Variants in PPP4R2 observed in about 807,000 individuals in gnomAD.
PPP4R2 encodes the protein serine/threonine-protein phosphatase 4 regulatory subunit 2.
Under a neutral mutation model 47.2 loss-of-function variants are expected in PPP4R2, and 13 were observed. The ratio of observed to expected loss-of-function variants is 0.28; its 90% CI spans 0.18 to 0.44. PPP4R2 has a LOEUF of 0.44. Among genes scored for constraint, PPP4R2 ranks in the 20% least tolerant of loss-of-function variants. PPP4R2 has a pLI of 1.00. For missense variants in PPP4R2, 421 were observed against 491.2 expected (o/e 0.86, Z 1.35); for synonymous variants, 151 against 163.3 (o/e 0.92, Z 0.57).
At chr3:73,049,315 G>A (rs1385154622) in intron 3 of PPP4R2, among the ~76,000 whole-genome samples, 1 of 151,978 alleles carries the variant, frequency 6.6e-6, no homozygotes, top group Non-Finnish European at 1.5e-5. Context: ...TGGCTAACAC[G>A]GTGAAACCCC....
intron 3 of PPP4R2, among the ~76,000 whole-genome samples, chr3:73,056,734 C>T (rs1192212917): frequency 2.0e-5 from 3 of 152,092 alleles, no homozygotes; most frequent in Admixed American, 6.6e-5. Flanking sequence ...TAATATTAAA[C>T]AACACATAAA....
intron 5 of PPP4R2, 96 bp from the exon 6 acceptor site, chr3:73,063,577 T>C (rs555912718): frequency 7.2e-6 from 5 of 690,582 alleles, no homozygotes; most frequent in Middle Eastern, 8.2e-4. Flanking sequence ...TGAGCTGAGA[T>C]TGCACCACTG....
chr3:73,010,627 C>T (rs1017252192), intron 2 of PPP4R2, among the ~76,000 whole-genome samples: 3 of 151,682 alleles, frequency 2.0e-5, no homozygotes, highest in African/African-American at 7.3e-5. Flanking sequence ...GGTGCAGTCT[C>T]AGCTCACTGC....
intron 2 of PPP4R2, among the ~76,000 whole-genome samples, chr3:73,040,781 T>C (rs532364075): frequency 6.6e-6 from 1 of 152,208 alleles, no homozygotes; most frequent in African/African-American, 2.4e-5. Context: ...CGAAAGTGCT[T>C]GCATTACAGG....
intron 5 of PPP4R2, chr3:73,062,038 G>GA: frequency 7.1e-7 from 1 of 1,416,858 alleles, no homozygotes; most frequent in Middle Eastern, 2.6e-4. Context: ...AGGTATTTTG[G>GA]AAAAATGGTA....
intron 2 of PPP4R2, among the ~76,000 whole-genome samples, chr3:73,009,450 CTG>C (rs761861942): frequency 3.3e-5 from 5 of 152,176 alleles, no homozygotes; most frequent in South Asian, 4.1e-4. Context: ...CTTAAAATAT[CTG>C]TTAGTTTTAC....
At chr3:73,063,256 G>T (rs747684881) in intron 5 of PPP4R2, 28 of 298,476 alleles carry the variant, frequency 9.4e-5, no homozygotes, top group South Asian at 5.3e-4. Context: ...AGATCTTGAG[G>T]GGGGAGTGTT....
At chr3:73,025,277 G>A (rs987561967) in intron 2 of PPP4R2, among the ~76,000 whole-genome samples, 1 of 152,190 alleles carries the variant, frequency 6.6e-6, no homozygotes, top group Non-Finnish European at 1.5e-5. Flanking sequence ...AAACTGTTGT[G>A]AAGGTTATAA....
rs557947626 is a variant in PPP4R2, at chr3:73,011,950, G to C, written c.116+13792G>C. ...CTATAGAATTTGAAATTTAAGGAAAGTGCGAGGTCTTAACATTTGTAATTT... is the reference window on the plus strand; with the variant it reads ...CTATAGAATTTGAAATTTAAGGAAACTGCGAGGTCTTAACATTTGTAATTT... On this transcript the variant is annotated intron_variant, in intron 2 of 8. Coordinates refer to ENST00000356692, the MANE Select transcript of PPP4R2 (RefSeq NM_174907.4). Among the ~76,000 whole-genome samples, 4 of 152,304 alleles carry C rather than the reference G, an allele frequency of 2.6e-5. No individual in the cohort carries two copies. The South Asian group carries it at 8.3e-4, about 32-fold the overall frequency.
At chr3:72,997,384 G>T (rs1575830616) in intron 1 of PPP4R2, 1 of 280,736 alleles carries the variant, frequency 3.6e-6, no homozygotes, top group Non-Finnish European at 6.7e-6. Context: ...CTCCCTCCCA[G>T]ATATCCTCTT....
rs956127967 is a variant in PPP4R2, at chr3:73,038,476, A to G, written c.117-8710A>G. Among the ~76,000 whole-genome samples, 12 of 151,896 alleles carry G rather than the reference A, an allele frequency of 7.9e-5. No homozygotes were observed. The East Asian group carries it at 1.9e-3, about 25-fold the overall frequency. ...AGTGGCATGATCTTGGCTCACAGCAACCTCCACCTCCCAGGTTCAAGCAAT... is the reference window on the plus strand; with the variant it reads ...AGTGGCATGATCTTGGCTCACAGCAGCCTCCACCTCCCAGGTTCAAGCAAT... On this transcript the variant is annotated intron_variant, in intron 2 of 8. Transcript: ENST00000356692.
rs769270840 is a variant in PPP4R2, at chr3:73,065,701, T to C, written c.1233T>C (p.Asp411=). Residue 411 remains aspartate (D), a synonymous_variant, in exon 9 of 9, where the codon GAT becomes GAC. Transcript: ENST00000356692. The stretch of plus-strand genomic sequence containing the variant: ...ATGACGAAGCCACAGAAGTCACCGA[T>C]GAACCAATGGAACAAGACTAACTAT... ...ENDDEATEVT[D]EPMEQD is the part of the protein sequence containing the mutation. 9.3e-6 allele frequency: 15 copies of C among 1,606,074 alleles called. No individual in the cohort carries two copies. In the South Asian group the frequency reaches 1.7e-4, roughly 18 times the overall value.
At chr3:73,034,440 A>G (rs918194463) in intron 2 of PPP4R2, among the ~76,000 whole-genome samples, 18 of 152,158 alleles carry the variant, frequency 1.2e-4, no homozygotes, top group Non-Finnish European at 2.4e-4. Context: ...TTTTCCTCCA[A>G]TTTCTTAGTC....
chr3:73,021,900 A>AT (rs775338491), intron 2 of PPP4R2, among the ~76,000 whole-genome samples: 30,412 of 114,546 alleles, frequency 0.27, 4,163 homozygotes, highest in Middle Eastern at 0.42. Flanking sequence ...ATATATATAT[A>AT]TTTTTTTTTT....
At chr3:73,000,286 A>C (rs1028246738) in intron 2 of PPP4R2, among the ~76,000 whole-genome samples, 1 of 152,146 alleles carries the variant, frequency 6.6e-6, no homozygotes, top group Non-Finnish European at 1.5e-5. Flanking sequence ...GTGAGCCATG[A>C]TGGTTGGTGC....
intron 2 of PPP4R2, among the ~76,000 whole-genome samples, chr3:73,004,948 TGTGTGTGTGTGTGTGTG>T (rs1701571459): frequency 3.1e-5 from 1 of 31,928 alleles, no homozygotes; most frequent in African/African-American, 9.2e-5. Context: ...CGGAGTCGTG[TGTGTGTGTGTGTGTGTG>T]TGTGTGTGTG....
intron 2 of PPP4R2, among the ~76,000 whole-genome samples, chr3:73,019,021 G>GA (rs1262265967): frequency 4.7e-5 from 7 of 150,448 alleles, no homozygotes; most frequent in Non-Finnish European, 8.8e-5. Flanking sequence ...TAAATGAATA[G>GA]AGATATGTAC....
At chr3:73,016,611 A>G (rs777089486) in intron 2 of PPP4R2, among the ~76,000 whole-genome samples, 7 of 152,276 alleles carry the variant, frequency 4.6e-5, no homozygotes, top group Middle Eastern at 3.4e-3. Flanking sequence ...AGTTTTACCT[A>G]TCAGAATTCT....
Position 73,047,223 on chromosome 3 carries a change from A to G in PPP4R2, c.154A>G (p.Lys52Glu). 6.3e-7 allele frequency: 1 copy of G among 1,585,360 alleles called. No individual in the cohort carries two copies. Among genetic ancestry groups the G allele is most frequent in the East Asian group, 2.3e-5 (1 of 43,864 alleles). ...WSQFKGYFIF[K>E]LEKVMDDFRT... ...CCAATTTAAAGGCTATTTTATTTTC[A>G]AACTGGAGAAAGTGATGGATGATTT... is the stretch of plus-strand genomic sequence containing the variant. Residue 52 changes from lysine to glutamate, a missense_variant, in exon 3 of 9, where the codon AAA becomes GAA. Transcript: ENST00000356692.
Sources: gnomAD v4.1 joint callset for allele counts (sites outside exome capture counted in the v4.1 genomes callset) on GRCh38, gnomAD v4.1.1 for gene constraint, MANE v1.5 for transcripts, NCBI Gene and HGNC (gene_info 2026-07-23, HGNC 2026-07-21) for gene names.